The following DMXL1 variants were observed in gnomAD, a reference collection of about 807,000 sequenced individuals.
DMXL1 encodes dmX-like protein 1.
DMXL1 carries 99 observed loss-of-function variants against 319.2 expected under a neutral mutation model. The ratio of observed to expected loss-of-function variants is 0.31; its 90% confidence interval spans 0.26 to 0.37. The LOEUF (loss-of-function observed/expected upper bound fraction) is 0.37, where lower values mean the gene tolerates loss of function less well. Among genes scored for constraint, DMXL1 ranks in the 10% least tolerant of loss-of-function variants. DMXL1 has a pLI of 1.00. For missense variants in DMXL1, 3,745 were observed against 3,595.6 expected, an observed-to-expected ratio of 1.04 and a Z score of -1.06; for synonymous variants, 1,385 against 1,235.2, an observed-to-expected ratio of 1.12 and a Z score of -2.54.
At chr5:119,121,283 AATTT>A (rs980412504) in intron 9 of DMXL1, 144 bp downstream of exon 9, 3 of 584,186 alleles carry the variant, frequency 5.1e-6, no homozygotes, top group Non-Finnish European at 7.7e-6. Flanking sequence ...CTTTTTTTTT[AATTT>A]ATTATTTATT....
chr5:119,120,329 G>A (rs769414679), intron 8 of DMXL1, among the ~76,000 whole-genome samples: 10 of 152,226 alleles, frequency 6.6e-5, no homozygotes, highest in Admixed American at 1.3e-4. Flanking sequence ...ATTCAACAAC[G>A]AATAGAATGG....
At chr5:119,224,383 T>G (rs1366850678) in intron 37 of DMXL1, among the ~76,000 whole-genome samples, 3 of 152,084 alleles carry the variant, frequency 2.0e-5, no homozygotes, top group Non-Finnish European at 4.4e-5. Flanking sequence ...CACATGCTCC[T>G]GTCTTTTAAA....
chr5:119,076,063 G>A (rs190701363), intron 1 of DMXL1, among the ~76,000 whole-genome samples: 14 of 152,182 alleles, frequency 9.2e-5, no homozygotes, highest in Admixed American at 3.3e-4. Flanking sequence ...TGGAAAGGGA[G>A]ATAATTTCCA....
chr5:119,204,878 A>C (rs925108193), intron 33 of DMXL1, among the ~76,000 whole-genome samples: 1 of 152,234 alleles, frequency 6.6e-6, no homozygotes, highest in Non-Finnish European at 1.5e-5. Context: ...ACAATAGACA[A>C]GTAAGCAAAA....
At chr5:119,087,946 C>T (rs1278617034) in intron 1 of DMXL1, among the ~76,000 whole-genome samples, 1 of 152,014 alleles carries the variant, frequency 6.6e-6, no homozygotes, top group African/African-American at 2.4e-5. Flanking sequence ...GGATTACAGG[C>T]ACCCTCCACC....
chr5:119,110,795 G>C (rs908987856), intron 5 of DMXL1, among the ~76,000 whole-genome samples: 1 of 152,172 alleles, frequency 6.6e-6, no homozygotes, highest in South Asian at 2.1e-4. Flanking sequence ...CAAGCATTTT[G>C]TTATTGATGT....
chr5:119,120,965 A>T lies in DMXL1; in HGVS notation c.934-6A>T. ...ATAGGTATTAGTTTTGTTTCTATTCACACAGGTAAATCTGAGACATTTTCG... is the reference window on the plus strand; with the variant it reads ...ATAGGTATTAGTTTTGTTTCTATTCTCACAGGTAAATCTGAGACATTTTCG... On this transcript the variant is annotated splice_region_variant and splice_polypyrimidine_tract_variant and intron_variant, in intron 8 of 43. Coordinates refer to ENST00000539542, the MANE Select transcript of DMXL1 (RefSeq NM_001290321.3). 1 of 1,602,700 alleles carries T rather than the reference A, an allele frequency of 6.2e-7. No individual in the cohort carries two copies. Among genetic ancestry groups the T allele is most frequent in the Non-Finnish European group, 8.5e-7 (1 of 1,176,174 alleles).
intron 4 of DMXL1, among the ~76,000 whole-genome samples, chr5:119,108,434 T>A (rs1293578389): frequency 6.6e-6 from 1 of 152,126 alleles, no homozygotes; most frequent in Non-Finnish European, 1.5e-5. Flanking sequence ...TTTTTTTCAT[T>A]TTTTCTTGAG....
intron 38 of DMXL1, among the ~76,000 whole-genome samples, chr5:119,226,535 G>GA (rs1317240008): frequency 1.3e-4 from 20 of 152,280 alleles, no homozygotes; most frequent in African/African-American, 4.8e-4. Flanking sequence ...TCTGATACCA[G>GA]ATGTGTTGGC....
Position 119,116,317 on chromosome 5 carries a change from A to C in DMXL1, c.724A>C (p.Thr242Pro), listed in dbSNP as rs1269428357. Residue 242 changes from threonine to proline, a missense_variant, in exon 7 of 44, where the codon ACA (threonine) becomes CCA (proline). This residue lies in a region of DMXL1 where 2,096 missense variants were observed against 1,985.4 expected (regional missense o/e 1.06). Transcript: ENST00000539542. ...AGTAAATGGATTTTCCTGGCGTAAA[A>C]CAAGCAAATATATGCCTAGGTCAGT... ...RAVNGFSWRK[T>P]SKYMPRASVC... The C allele has an allele frequency of 1.2e-6, 2 of 1,613,972 alleles. No individual in the cohort carries two copies. The highest frequency in any genetic ancestry group is 8.5e-7 in the Non-Finnish European group (1 of 1,179,944).
intron 38 of DMXL1, among the ~76,000 whole-genome samples, chr5:119,233,119 A>T (rs545149132): frequency 6.6e-6 from 1 of 152,144 alleles, no homozygotes; most frequent in African/African-American, 2.4e-5. Context: ...TATGATTTAA[A>T]TGCTCCTATC....
In DMXL1 at chr5:119,243,232, CTG is replaced by C. The variant is rs535767966; in HGVS notation, c.8705-1125_8705-1124del. On this transcript the variant is annotated intron_variant, in intron 42 of 43. Coordinates refer to ENST00000539542, the MANE Select transcript of DMXL1 (RefSeq NM_001290321.3). ...CAAAGTGCTGGTCAAAGTTCCTTCT[CTG>C]TAATTAATTTTATTTCAAGTCTTAC... 4.7e-3 allele frequency among the ~76,000 whole-genome samples: 715 copies of C among 152,274 alleles called. 10 individuals are homozygous for C. The highest frequency in any genetic ancestry group is 0.016 in the African/African-American group (675 of 41,558).
intron 13 of DMXL1, among the ~76,000 whole-genome samples, chr5:119,137,376 A>G (rs1408863373): frequency 6.6e-6 from 1 of 152,170 alleles, no homozygotes; most frequent in Non-Finnish European, 1.5e-5. Flanking sequence ...CTTGTCTCAG[A>G]TGATACTTTG....
chr5:119,200,330 A>G (rs944591762), intron 32 of DMXL1, among the ~76,000 whole-genome samples: 4 of 152,114 alleles, frequency 2.6e-5, no homozygotes, highest in Admixed American at 6.5e-5. Context: ...TAGAATAGGG[A>G]GTCTTTTCTT....
At chr5:119,225,691 G>A (rs1001735760) in intron 38 of DMXL1, among the ~76,000 whole-genome samples, 1 of 152,032 alleles carries the variant, frequency 6.6e-6, no homozygotes, top group African/African-American at 2.4e-5. Flanking sequence ...TACGCTGTAC[G>A]AAACAAGGCT....
At chr5:119,245,914 T>G (rs1473584093) in intron 43 of DMXL1, among the ~76,000 whole-genome samples, 1 of 150,964 alleles carries the variant, frequency 6.6e-6, no homozygotes, top group Admixed American at 6.6e-5. Flanking sequence ...AAAAAAGAGT[T>G]GAAAATATAC....
chr5:119,208,902 C>G (rs1305165269), intron 34 of DMXL1, among the ~76,000 whole-genome samples: 1 of 152,028 alleles, frequency 6.6e-6, no homozygotes, highest in African/African-American at 2.4e-5. Context: ...CAAACTTTTT[C>G]CTGGTGTTAA....
chr5:119,140,822 C>T (rs1210821168), intron 13 of DMXL1, among the ~76,000 whole-genome samples: 2 of 152,042 alleles, frequency 1.3e-5, no homozygotes, highest in Non-Finnish European at 2.9e-5. Flanking sequence ...AACTTTAGCC[C>T]AATATCCTCT....
chr5:119,099,178 T>A (rs760567424), intron 2 of DMXL1, among the ~76,000 whole-genome samples: 1 of 109,660 alleles, frequency 9.1e-6, no homozygotes, highest in African/African-American at 4.3e-5. Flanking sequence ...TCTTTGGGTT[T>A]TTTTTTTGTT....
Sources: gnomAD v4.1 joint callset for allele counts (sites outside exome capture counted in the v4.1 genomes callset) on GRCh38, gnomAD v4.1.1 for gene constraint, gnomAD v4.1.1 regional missense constraint, MANE v1.5 for transcripts, NCBI Gene and HGNC (gene_info 2026-07-23, HGNC 2026-07-21) for gene names.